Variants in MCC observed in about 807,000 individuals in gnomAD.
MCC encodes the protein colorectal mutant cancer protein.
MCC carries 90 observed loss-of-function variants against 116.2 expected under a neutral mutation model. The ratio of observed to expected loss-of-function variants is 0.77; its 90% CI spans 0.65 to 0.92. The LOEUF is 0.92. Ranked by LOEUF, MCC falls within the 40% of genes least tolerant of loss-of-function variation. The probability of loss-of-function intolerance (pLI) is 0.00; values close to 1 mark genes in which losing one functional copy is unlikely to be tolerated. For missense variants in MCC, 1,516 were observed against 1,312.2 expected, an observed-to-expected ratio of 1.16 and a Z score of -2.40; for synonymous variants, 578 against 510.5, an observed-to-expected ratio of 1.13 and a Z score of -1.78.
chr5:113,244,414 T>C (rs1032532397), intron 3 of MCC, among the ~76,000 whole-genome samples: 2 of 152,252 alleles, frequency 1.3e-5, no homozygotes, highest in Admixed American at 6.5e-5. Flanking sequence ...CTCCAAATTA[T>C]GTAATACTCT....
At chr5:113,133,935 C>T (rs749280956) in intron 5 of MCC, among the ~76,000 whole-genome samples, 2 of 152,088 alleles carry the variant, frequency 1.3e-5, no homozygotes, top group Admixed American at 6.6e-5. Context: ...TAATCTTTTG[C>T]TAAAAAAAAT....
chr5:113,133,402 C>T (rs1476562445), intron 5 of MCC, among the ~76,000 whole-genome samples: 1 of 152,090 alleles, frequency 6.6e-6, no homozygotes, highest in Non-Finnish European at 1.5e-5. Flanking sequence ...TCTTTTTGTG[C>T]TTTCTGGCTT....
chr5:113,123,038 T>C (rs1238121017), intron 5 of MCC, among the ~76,000 whole-genome samples: 1 of 152,172 alleles, frequency 6.6e-6, no homozygotes, highest in Non-Finnish European at 1.5e-5. Context: ...CCACAAAACA[T>C]ACCCATGTAC....
chr5:113,310,184 G>C (rs1419003315), intron 3 of MCC, among the ~76,000 whole-genome samples: 1 of 152,210 alleles, frequency 6.6e-6, no homozygotes, highest in Non-Finnish European at 1.5e-5. Context: ...GCGTTAAGAG[G>C]TGTGGCCTTT....
chr5:113,201,605 T>A (rs1762683778), intron 3 of MCC, among the ~76,000 whole-genome samples: 1 of 152,210 alleles, frequency 6.6e-6, no homozygotes, highest in South Asian at 2.1e-4. Flanking sequence ...GCTTTTGACA[T>A]CCTCATTTTC....
At chr5:113,393,594 C>T (rs532604002) in intron 1 of MCC, among the ~76,000 whole-genome samples, 2 of 152,272 alleles carry the variant, frequency 1.3e-5, no homozygotes, top group African/African-American at 4.8e-5. Context: ...CAACATCCTT[C>T]GAGAAACATC....
At chr5:113,074,693 A>G (rs948093646) in intron 11 of MCC, among the ~76,000 whole-genome samples, 12 of 152,266 alleles carry the variant, frequency 7.9e-5, no homozygotes, top group African/African-American at 2.9e-4. Context: ...AAGTCCTTAA[A>G]TGACCTGAAG....
intron 3 of MCC, among the ~76,000 whole-genome samples, chr5:113,280,342 T>G (rs1765998553): frequency 6.6e-6 from 1 of 152,210 alleles, no homozygotes; most frequent in Non-Finnish European, 1.5e-5. Flanking sequence ...ATCTATCTCC[T>G]AGTATTATTT....
chr5:113,260,082 GA>G (rs35105365), intron 3 of MCC, among the ~76,000 whole-genome samples: 5 of 146,652 alleles, frequency 3.4e-5, no homozygotes, highest in African/African-American at 5.0e-5. Context: ...TTCAACTCTG[GA>G]AAAAAAAAAC....
chr5:113,278,764 T>G (rs1765925346), intron 3 of MCC, among the ~76,000 whole-genome samples: 1 of 152,142 alleles, frequency 6.6e-6, no homozygotes, highest in Non-Finnish European at 1.5e-5. Context: ...TGGGGCTGGG[T>G]ACCTCGAAAT....
At chr5:113,399,990 C>T (rs1037677242) in intron 1 of MCC, 1 of 152,066 alleles carries the variant, frequency 6.6e-6, no homozygotes, top group African/African-American at 2.4e-5. Context: ...AAGACAGCAT[C>T]TGCAAACAAG....
intron 17 of MCC, among the ~76,000 whole-genome samples, chr5:113,035,356 A>T (rs1580887778): frequency 6.6e-6 from 1 of 152,086 alleles, no homozygotes; most frequent in Admixed American, 6.5e-5. Context: ...ATCACTTCTC[A>T]CCCGGACAAC....
Position 113,278,646 on chromosome 5 carries a change from C to G in MCC, c.627+61873G>C, listed in dbSNP as rs563035197. 2.7e-4 allele frequency among the ~76,000 whole-genome samples: 41 copies of G among 152,236 alleles called. No individual in the cohort carries two copies. The South Asian group carries it at 8.5e-3, about 32-fold the overall frequency. On this transcript the variant is annotated intron_variant, in intron 3 of 18. Transcript: ENST00000408903. ...AATAGCAAATGTGAAGTTGTGAAGTCCAGAGACAACCAGGCACCTTGAAGG... is the reference window on the plus strand; with the variant it reads ...AATAGCAAATGTGAAGTTGTGAAGTGCAGAGACAACCAGGCACCTTGAAGG...
At chr5:113,409,571 T>C (rs889985752) in intron 1 of MCC, among the ~76,000 whole-genome samples, 1 of 152,138 alleles carries the variant, frequency 6.6e-6, no homozygotes, top group East Asian at 1.9e-4. Context: ...AGGCTGCTCT[T>C]GAACTCCTGA....
At chr5:113,040,611 A>G (rs1295811181) in intron 17 of MCC, among the ~76,000 whole-genome samples, 4 of 152,222 alleles carry the variant, frequency 2.6e-5, no homozygotes, top group Non-Finnish European at 5.9e-5. Flanking sequence ...CTCAGGAATC[A>G]TTTCATCAAG....
intron 3 of MCC, among the ~76,000 whole-genome samples, chr5:113,260,415 A>T (rs1361921375): frequency 6.6e-6 from 1 of 152,160 alleles, no homozygotes; most frequent in Admixed American, 6.6e-5. Flanking sequence ...TTCTGCATGC[A>T]ATTTGTTGCA....
At chr5:113,444,342 T>C (rs902797579) in intron 1 of MCC, among the ~76,000 whole-genome samples, 1 of 152,120 alleles carries the variant, frequency 6.6e-6, no homozygotes, top group Non-Finnish European at 1.5e-5. Flanking sequence ...ACAGATACTG[T>C]AGTATCTATA....
At chr5:113,432,117 A>G (rs1225747723) in intron 1 of MCC, among the ~76,000 whole-genome samples, 1 of 151,880 alleles carries the variant, frequency 6.6e-6, no homozygotes, top group South Asian at 2.1e-4. Flanking sequence ...GCCTGGAGAT[A>G]GAGCGAGACT....
intron 3 of MCC, among the ~76,000 whole-genome samples, chr5:113,290,694 A>T (rs1411696411): frequency 6.6e-6 from 1 of 152,232 alleles, no homozygotes; most frequent in Non-Finnish European, 1.5e-5. Context: ...AAAAGTCACG[A>T]CCACGAAGAA....
Sources: gnomAD v4.1 joint callset for allele counts (sites outside exome capture counted in the v4.1 genomes callset) on GRCh38, gnomAD v4.1.1 for gene constraint, MANE v1.5 for transcripts, NCBI Gene and HGNC (gene_info 2026-07-23, HGNC 2026-07-21) for gene names.